Variants in SCG3 observed in about 807,000 individuals in gnomAD.
SCG3 encodes the protein secretogranin III, also known as secretogranin-3.
In SCG3, 38 loss-of-function variants were observed where a neutral mutation model predicts 56.2. The ratio of observed to expected loss-of-function variants is 0.68; its 90% CI spans 0.52 to 0.89. The LOEUF is 0.89. SCG3 is among the 40% of genes least tolerant of loss of function. SCG3 has a pLI of 0.00. For synonymous variants in SCG3, 176 were observed against 184.2 expected (o/e 0.96, Z 0.36); for missense variants, 524 against 540.7 (o/e 0.97, Z 0.31).
chr15:51,719,480 A>C lies in SCG3; in HGVS notation c.1361A>C (p.Asp454Ala). ...ADAYVEKGIL[D>A]KEEAEAIKRI... Reference sequence around the variant, plus strand: ...GCTTATGTGGAGAAAGGCATCCTTGACAAGGAAGAAGCCGAGGCCATCAAG... The same window carrying C: ...GCTTATGTGGAGAAAGGCATCCTTGCCAAGGAAGAAGCCGAGGCCATCAAG... Residue 454 changes from aspartate to alanine, a missense_variant, in exon 12 of 12, where the codon GAC (aspartate) becomes GCC (alanine). Physicochemically the swap from Asp to Ala is moderately radical, Grantham distance 126. Coordinates refer to ENST00000220478, the MANE Select transcript of SCG3 (RefSeq NM_013243.4). 6.2e-7 allele frequency: 1 copy of C among 1,614,134 alleles called. No homozygotes were observed. Among genetic ancestry groups the C allele is most frequent in the Non-Finnish European group, 8.5e-7 (1 of 1,179,972 alleles).
Position 51,720,638 on chromosome 15 carries a change from C to T in SCG3, c.*1112C>T, listed in dbSNP as rs1206069356. The T allele has an allele frequency of 6.6e-6, 1 of 152,140 alleles. No homozygotes were observed. 9.4% of individuals were successfully genotyped at this position (152,140 alleles called of 1,614,324 possible). A position where few individuals can be genotyped will look rare whatever the true frequency, so the allele number is the denominator to read the frequency against. Reference sequence around the variant, plus strand: ...TTTGTGTATTAGTGAGAGGTGAAGCCAGCTGGACTTCCTGGGTCGAGTGGG... The same window carrying T: ...TTTGTGTATTAGTGAGAGGTGAAGCTAGCTGGACTTCCTGGGTCGAGTGGG... On this transcript the variant is annotated 3_prime_UTR_variant, in exon 12 of 12. Coordinates refer to ENST00000220478, the MANE Select transcript of SCG3 (RefSeq NM_013243.4).
At chr15:51,684,557 A>T (rs556475510) in intron 4 of SCG3, among the ~76,000 whole-genome samples, 26 of 152,358 alleles carry the variant, frequency 1.7e-4, no homozygotes, top group Non-Finnish European at 3.4e-4. Context: ...AGCCTGGGCG[A>T]CAGAGCCAGA....
At chr15:51,710,508 C>CT (rs540124964) in intron 10 of SCG3, among the ~76,000 whole-genome samples, 1 of 152,282 alleles carries the variant, frequency 6.6e-6, no homozygotes, top group South Asian at 2.1e-4. Context: ...ACATTACATA[C>CT]TTTTTAAAAT....
rs1303981845 is a variant in SCG3 at position 51,691,549 on chromosome 15, A to T, written c.691-610A>T. 5.3e-5 allele frequency among the ~76,000 whole-genome samples: 8 copies of T among 152,114 alleles called. 1 individual carries two copies. The South Asian group carries it at 6.2e-4, about 12-fold the overall frequency. On this transcript the variant is annotated intron_variant, in intron 6 of 11. Coordinates refer to ENST00000220478, the MANE Select transcript of SCG3 (RefSeq NM_013243.4). Reference sequence around the variant, plus strand: ...GTGGGGCCAACAAGGCTACTGATGGATTGGATGGGGGAAAAGGAAGAAGAG... The same window carrying T: ...GTGGGGCCAACAAGGCTACTGATGGTTTGGATGGGGGAAAAGGAAGAAGAG...
intron 7 of SCG3, chr15:51,693,448 T>A (rs1477050773): frequency 6.6e-6 from 1 of 152,254 alleles, no homozygotes; most frequent in African/African-American, 2.4e-5. Flanking sequence ...TTTGTTTTTT[T>A]AAAGCTAAGT....
In SCG3 at chr15:51,681,675, T is replaced by C. The variant is rs2055194999; in HGVS notation, c.-81T>C. 2 of 970,928 alleles carry C rather than the reference T, an allele frequency of 2.1e-6. No homozygotes were observed. Among genetic ancestry groups the C allele is most frequent in the African/African-American group, 1.6e-5 (1 of 62,598 alleles). 60.1% of individuals were successfully genotyped at this position (970,928 alleles called of 1,614,324 possible). A position where few individuals can be genotyped will look rare whatever the true frequency, so the allele number is the denominator to read the frequency against. On this transcript the variant is annotated 5_prime_UTR_variant, in exon 1 of 12. Coordinates refer to ENST00000220478, the MANE Select transcript of SCG3 (RefSeq NM_013243.4). ...CCACCCTCCTGGCTCTTCCTGTTTT[T>C]ACTCCTCCTTTTCATTCATAACAAA... is the stretch of plus-strand genomic sequence containing the variant.
At chr15:51,689,491 C>A in intron 6 of SCG3, 123 bp downstream of exon 6, 2 of 1,227,220 alleles carry the variant, frequency 1.6e-6, no homozygotes, top group Non-Finnish European at 2.2e-6. Context: ...AGGTATGTGG[C>A]ATTTTTAGCC....
intron 7 of SCG3, among the ~76,000 whole-genome samples, chr15:51,692,656 C>T (rs1023648226): frequency 7.2e-5 from 11 of 152,122 alleles, no homozygotes; most frequent in Admixed American, 6.5e-5. Flanking sequence ...TGGATATGAA[C>T]CAGGCAGTGT....
Position 51,701,182 on chromosome 15 carries a change from G to T in SCG3, c.1145G>T (p.Ser382Ile), listed in dbSNP as rs758462422. The T allele has an allele frequency of 6.2e-7, 1 of 1,612,750 alleles. No individual in the cohort carries two copies. Among genetic ancestry groups the T allele is most frequent in the Non-Finnish European group, 8.5e-7 (1 of 1,179,550 alleles). The change falls in exon 10 of 12, where the codon AGC (serine) becomes ATC (isoleucine). Residue 382 changes from serine to isoleucine, a missense_variant. Transcript: ENST00000220478. ...EAAKMEKEYG[S>I]LKDSTKDDNS... is the part of the protein sequence containing the mutation. ...GCTAAGATGGAAAAGGAATATGGAA[G>T]CTTGAAGGATTCCACAAAAGATGAT... is the stretch of plus-strand genomic sequence containing the variant.
chr15:51,683,460 G>A (rs1363494544), intron 4 of SCG3, 26 bp downstream of exon 4: 2 of 1,478,380 alleles, frequency 1.4e-6, no homozygotes, highest in African/African-American at 2.8e-5. Flanking sequence ...AGAACTTTTT[G>A]TTAACGTGGA....
rs2055204193 is a variant in SCG3, at chr15:51,682,940, A to G, written c.136-139A>G. The G allele has an allele frequency of 4.6e-6, 3 of 646,370 alleles. No individual in the cohort carries two copies. The South Asian group carries it at 6.7e-5, about 14-fold the overall frequency. 40.0% of individuals were successfully genotyped at this position (646,370 alleles called of 1,614,324 possible). A position where few individuals can be genotyped will look rare whatever the true frequency, so the allele number is the denominator to read the frequency against. ...TTTTATCTCATTTAATTATTATAACAGTGCTCTGAAATAGGAATTATCCAC... is the reference window on the plus strand; with the variant it reads ...TTTTATCTCATTTAATTATTATAACGGTGCTCTGAAATAGGAATTATCCAC... On this transcript the variant is annotated intron_variant, in intron 2 of 11. Transcript: ENST00000220478.
Position 51,692,187 on chromosome 15 carries a change from T to G in SCG3, c.719T>G (p.Leu240Arg). ...VTPMAAIQDG[L>R]AKGENDETVS... ...CCAATGGCAGCAATTCAAGATGGTC[T>G]TGCTAAGGGAGAAAACGATGAAACA... is the stretch of plus-strand genomic sequence containing the variant. Residue 240 changes from leucine (L) to arginine (R), a missense_variant, in exon 7 of 12, where the codon CTT becomes CGT. By Grantham distance (102) the Leu-to-Arg change is moderately radical. Coordinates refer to ENST00000220478, the MANE Select transcript of SCG3 (RefSeq NM_013243.4). The G allele has an allele frequency of 6.2e-7, 1 of 1,612,140 alleles. No individual in the cohort carries two copies. The highest frequency in any genetic ancestry group is 8.5e-7 in the Non-Finnish European group (1 of 1,179,092).
intron 5 of SCG3, 99 bp downstream of exon 5, chr15:51,688,501 T>C (rs1871491507): frequency 1.8e-6 from 2 of 1,088,912 alleles, no homozygotes; most frequent in South Asian, 1.6e-5. Flanking sequence ...GTTTATAATG[T>C]GTCTTCCTTC....
chr15:51,697,724 A>G (rs1304559307), intron 8 of SCG3, among the ~76,000 whole-genome samples: 3 of 152,244 alleles, frequency 2.0e-5, no homozygotes, highest in African/African-American at 4.8e-5. Context: ...TTGTGTTTTT[A>G]AATAATTATA....
In SCG3 at chr15:51,714,746, G is replaced by C. The variant is rs1299849198; in HGVS notation, c.1288+1333G>C. 4.6e-5 allele frequency among the ~76,000 whole-genome samples: 7 copies of C among 152,156 alleles called. No individual in the cohort carries two copies. The East Asian group carries it at 1.3e-3, about 29-fold the overall frequency. ...GAGATACAGCACAGAGGGAGAAAGA[G>C]GTATTTTCAGCACCCTGGTAGCTTA... On this transcript the variant is annotated intron_variant, in intron 11 of 11. Coordinates refer to ENST00000220478, the MANE Select transcript of SCG3 (RefSeq NM_013243.4).
At chr15:51,702,506 C>T (rs1482885767) in intron 10 of SCG3, among the ~76,000 whole-genome samples, 1 of 152,198 alleles carries the variant, frequency 6.6e-6, no homozygotes, top group Non-Finnish European at 1.5e-5. Context: ...ATCCCCCCGC[C>T]TAGGCCTCCC....
At chr15:51,701,957 A>C (rs1238826440) in intron 10 of SCG3, among the ~76,000 whole-genome samples, 1 of 152,040 alleles carries the variant, frequency 6.6e-6, no homozygotes, top group Non-Finnish European at 1.5e-5. Context: ...ATGGGGGAGG[A>C]TTAGATTAGG....
intron 4 of SCG3, among the ~76,000 whole-genome samples, chr15:51,686,173 G>A (rs2055227399): frequency 6.6e-6 from 1 of 152,170 alleles, no homozygotes; most frequent in Non-Finnish European, 1.5e-5. Context: ...TCTATACATG[G>A]AGGGTGAAAT....
chr15:51,703,779 A>G (rs1462509886), intron 10 of SCG3, among the ~76,000 whole-genome samples: 1 of 152,186 alleles, frequency 6.6e-6, no homozygotes, highest in Non-Finnish European at 1.5e-5. Flanking sequence ...GCTGAAAAAT[A>G]TAATTTTTCC....
Sources: gnomAD v4.1 joint callset for allele counts (sites outside exome capture counted in the v4.1 genomes callset) on GRCh38, gnomAD v4.1.1 for gene constraint, MANE v1.5 for transcripts, NCBI Gene and HGNC (gene_info 2026-07-23, HGNC 2026-07-21) for gene names.